Variants in DSCAM observed in about 807,000 individuals in gnomAD.
DSCAM encodes the protein DS cell adhesion molecule, also known as cell adhesion molecule DSCAM.
DSCAM carries 47 observed loss-of-function variants against 217.7 expected under a neutral mutation model. The observed-to-expected ratio is 0.22, with a 90% CI of 0.17 to 0.28. The LOEUF (loss-of-function observed/expected upper bound fraction) is 0.28, where lower values mean the gene tolerates loss of function less well. Among genes scored for constraint, DSCAM ranks in the 10% least tolerant of loss-of-function variants. DSCAM has a pLI of 1.00. For missense variants in DSCAM, 2,080 were observed against 2,618.3 expected, an observed-to-expected ratio of 0.79 and a Z score of 4.49; for synonymous variants, 1,056 against 1,015.3, an observed-to-expected ratio of 1.04 and a Z score of -0.76.
At chr21:40,711,883 C>G (rs1467680414) in intron 1 of DSCAM, among the ~76,000 whole-genome samples, 1 of 152,176 alleles carries the variant, frequency 6.6e-6, no homozygotes, top group African/African-American at 2.4e-5. Flanking sequence ...TCCCAGGAGG[C>G]CTTCTGCATG....
chr21:40,118,545 C>A (rs2089998433), intron 20 of DSCAM, among the ~76,000 whole-genome samples: 1 of 152,140 alleles, frequency 6.6e-6, no homozygotes, highest in African/African-American at 2.4e-5. Context: ...CGAGATTGCG[C>A]CACTGCACTA....
chr21:40,487,326 TGAGAGAGAGAGAGA>T (rs10598197), intron 3 of DSCAM, among the ~76,000 whole-genome samples: 1 of 72,788 alleles, frequency 1.4e-5, no homozygotes, highest in Non-Finnish European at 2.6e-5. Context: ...TGTGTGTGTG[TGAGAGAGAGAGAGA>T]GAGAGAGAGA....
At chr21:40,275,051 A>G (rs1195255067) in intron 11 of DSCAM, among the ~76,000 whole-genome samples, 1 of 152,136 alleles carries the variant, frequency 6.6e-6, no homozygotes, top group African/African-American at 2.4e-5. Flanking sequence ...AGGGCCAGGC[A>G]TAGTGGCTTA....
chr21:40,274,343 G>A (rs1488194539), intron 11 of DSCAM, among the ~76,000 whole-genome samples: 1 of 152,132 alleles, frequency 6.6e-6, no homozygotes, highest in East Asian at 1.9e-4. Context: ...TCTTCACCCT[G>A]CATTGTAATC....
chr21:40,520,451 A>T (rs865965758), intron 3 of DSCAM, among the ~76,000 whole-genome samples: 16 of 152,210 alleles, frequency 1.1e-4, no homozygotes, highest in South Asian at 4.1e-4. Flanking sequence ...AAATATTTTT[A>T]TATTTTATAG....
In DSCAM at chr21:40,383,669, C is replaced by T. The variant is rs796611318; in HGVS notation, c.509-14424G>A. 6.6e-5 allele frequency: 10 copies of T among 152,054 alleles called. 1 individual carries two copies. Among genetic ancestry groups the T allele is most frequent in the African/African-American group, 2.2e-4 (9 of 41,482 alleles). 9.4% of individuals were successfully genotyped at this position (152,054 alleles called of 1,614,324 possible). On this transcript the variant is annotated intron_variant, in intron 3 of 32. Coordinates refer to ENST00000400454, the MANE Select transcript of DSCAM (RefSeq NM_001389.5). The stretch of plus-strand genomic sequence containing the variant: ...TTTTTTAGACAAAGGAAAAGTAAAC[C>T]GCTGGTTTAGAGTCTTTGGAAGGCA...
At chr21:40,258,147 C>A (rs2073399656) in intron 11 of DSCAM, among the ~76,000 whole-genome samples, 2 of 152,162 alleles carry the variant, frequency 1.3e-5, no homozygotes, top group Non-Finnish European at 2.9e-5. Flanking sequence ...TTGTTCCTAG[C>A]AGCATTCAGC....
chr21:40,709,294 A>G (rs1337550638), intron 1 of DSCAM, among the ~76,000 whole-genome samples: 1 of 152,222 alleles, frequency 6.6e-6, no homozygotes, highest in African/African-American at 2.4e-5. Context: ...TTATTATGCA[A>G]TGAAATTTGC....
intron 6 of DSCAM, among the ~76,000 whole-genome samples, chr21:40,340,417 C>T: frequency 6.6e-6 from 1 of 152,082 alleles, no homozygotes; most frequent in East Asian, 1.9e-4. Context: ...ATATGTTTTT[C>T]CATTTATAAA....
intron 8 of DSCAM, among the ~76,000 whole-genome samples, chr21:40,320,548 G>C (rs1298635097): frequency 6.6e-6 from 1 of 152,070 alleles, no homozygotes; most frequent in Non-Finnish European, 1.5e-5. Flanking sequence ...TTCATGCTGT[G>C]GATAAAGACA....
At chr21:40,711,331 T>G (rs1396181730) in intron 1 of DSCAM, among the ~76,000 whole-genome samples, 1 of 152,220 alleles carries the variant, frequency 6.6e-6, no homozygotes. Flanking sequence ...TCACTTTGCC[T>G]GTAGTTAACT....
At chr21:40,710,761 T>TA (rs1486648454) in intron 1 of DSCAM, among the ~76,000 whole-genome samples, 16 of 152,336 alleles carry the variant, frequency 1.1e-4, no homozygotes, top group South Asian at 4.1e-4. Flanking sequence ...AATGAAGGCC[T>TA]ACTTGTCACA....
At chr21:40,431,250 A>C (rs542191012) in intron 3 of DSCAM, among the ~76,000 whole-genome samples, 57 of 152,310 alleles carry the variant, frequency 3.7e-4, no homozygotes, top group African/African-American at 1.0e-3. Context: ...TCACTGATAC[A>C]CAAATTTTCT....
At chr21:40,458,999 T>C (rs2075785034) in intron 3 of DSCAM, among the ~76,000 whole-genome samples, 1 of 152,042 alleles carries the variant, frequency 6.6e-6, no homozygotes, top group Non-Finnish European at 1.5e-5. Context: ...ATTTTAAGTC[T>C]TGTACACATA....
intron 1 of DSCAM, among the ~76,000 whole-genome samples, chr21:40,825,311 TTCC>T (rs1204253488): frequency 1.8e-4 from 27 of 151,532 alleles, no homozygotes; most frequent in Admixed American, 8.6e-4. Context: ...CCTTCCTTCC[TTCC>T]TTTTTTTCTT....
chr21:40,601,627 T>C (rs773567253), intron 3 of DSCAM, among the ~76,000 whole-genome samples: 5 of 152,222 alleles, frequency 3.3e-5, no homozygotes, highest in South Asian at 2.1e-4. Context: ...CATTATTAAG[T>C]ATGATGTCTG....
chr21:40,503,964 CCT>C (rs1383080506), intron 3 of DSCAM, among the ~76,000 whole-genome samples: 1 of 152,156 alleles, frequency 6.6e-6, no homozygotes, highest in Non-Finnish European at 1.5e-5. Context: ...ACTAGTGGAA[CCT>C]CTCTTCCAGG....
At chr21:40,766,409 G>C (rs2123363412) in intron 1 of DSCAM, among the ~76,000 whole-genome samples, 1 of 151,988 alleles carries the variant, frequency 6.6e-6, no homozygotes, top group East Asian at 1.9e-4. Context: ...TTAAACCTAA[G>C]GGAAGATGAC....
intron 3 of DSCAM, among the ~76,000 whole-genome samples, chr21:40,458,413 G>A (rs906809867): frequency 1.3e-5 from 2 of 152,090 alleles, no homozygotes; most frequent in African/African-American, 2.4e-5. Flanking sequence ...TAGGTAATAT[G>A]TTAAAAGCAA....
Sources: gnomAD v4.1 joint callset for allele counts (sites outside exome capture counted in the v4.1 genomes callset) on GRCh38, gnomAD v4.1.1 for gene constraint, MANE v1.5 for transcripts, NCBI Gene and HGNC (gene_info 2026-07-23, HGNC 2026-07-21) for gene names.